USH2A: variants seen among roughly 807,000 people sequenced by gnomAD.
USH2A encodes Usher syndrome 2A (autosomal recessive, mild).
Under a neutral mutation model 538.9 loss-of-function variants are expected in USH2A, and 443 were observed. The ratio of observed to expected loss-of-function variants is 0.82; its 90% CI spans 0.76 to 0.89. USH2A has a LOEUF of 0.89. USH2A is among the 40% of genes least tolerant of loss of function. The pLI, the probability that USH2A is intolerant of heterozygous loss-of-function variation, is 0.00. For missense variants in USH2A, 6,633 were observed against 6,324.8 expected (o/e 1.05, Z -1.65); for synonymous variants, 2,413 against 2,273.5 (o/e 1.06, Z -1.75).
At chr1:216,018,722 C>T (rs1668775515) in intron 32 of USH2A, among the ~76,000 whole-genome samples, 2 of 152,124 alleles carry the variant, frequency 1.3e-5, no homozygotes, top group South Asian at 2.1e-4. Context: ...CTCTTTTCTC[C>T]ATCTTCTAAT....
intron 16 of USH2A, among the ~76,000 whole-genome samples, chr1:216,201,400 C>T (rs1198489118): frequency 6.6e-6 from 1 of 151,690 alleles, no homozygotes; most frequent in African/African-American, 2.4e-5. Flanking sequence ...CTTCTGCCTC[C>T]CGGGTTCAAG....
intron 25 of USH2A, 95 bp downstream of exon 25, chr1:216,084,603 T>C: frequency 7.3e-7 from 1 of 1,364,722 alleles, no homozygotes; most frequent in Non-Finnish European, 1.0e-6. Flanking sequence ...ACTAGGTTCA[T>C]ATGAGGTCAA....
intron 69 of USH2A, among the ~76,000 whole-genome samples, chr1:215,635,401 G>A (rs1436757892): frequency 6.6e-6 from 1 of 152,130 alleles, no homozygotes; most frequent in Non-Finnish European, 1.5e-5. Context: ...CACACATTGA[G>A]AGTTCAGTTG....
intron 41 of USH2A, 135 bp from the exon 42 acceptor site, chr1:215,879,233 G>A: frequency 1.3e-6 from 1 of 746,828 alleles, no homozygotes; most frequent in Non-Finnish European, 2.4e-6. Flanking sequence ...GAGGCCTTTG[G>A]ACTAGACAGT....
At chr1:216,179,924 T>C (rs1254265713) in intron 20 of USH2A, among the ~76,000 whole-genome samples, 2 of 152,080 alleles carry the variant, frequency 1.3e-5, no homozygotes, top group East Asian at 3.9e-4. Flanking sequence ...CTTTTAAAAA[T>C]TATATTTCAC....
chr1:215,673,212 G>C (rs6662102), intron 63 of USH2A, among the ~76,000 whole-genome samples: 1 of 151,942 alleles, frequency 6.6e-6, no homozygotes, highest in Non-Finnish European at 1.5e-5. Context: ...ATAAAACCAC[G>C]AATGTTTCAT....
intron 41 of USH2A, among the ~76,000 whole-genome samples, chr1:215,881,294 C>T (rs1216853363): frequency 6.6e-6 from 1 of 152,146 alleles, no homozygotes; most frequent in Non-Finnish European, 1.5e-5. Flanking sequence ...GCGTGTGCTA[C>T]CACACCCGGC....
chr1:215,726,230 T>A (rs375481071), intron 61 of USH2A, among the ~76,000 whole-genome samples: 10 of 152,202 alleles, frequency 6.6e-5, no homozygotes, highest in African/African-American at 2.2e-4. Context: ...AACTTCCTCC[T>A]GGATCACATA....
At chr1:215,825,982 A>C (rs1308741045) in intron 47 of USH2A, among the ~76,000 whole-genome samples, 2 of 152,076 alleles carry the variant, frequency 1.3e-5, no homozygotes, top group Non-Finnish European at 2.9e-5. Flanking sequence ...TTGACAGGGA[A>C]CTCTTAAATT....
At chr1:216,153,688 CAG>C (rs960183150) in intron 21 of USH2A, among the ~76,000 whole-genome samples, 4 of 152,062 alleles carry the variant, frequency 2.6e-5, no homozygotes, top group African/African-American at 7.2e-5. Context: ...GCCCACAAAA[CAG>C]AGATAATGCT....
chr1:215,953,406 G>A (rs1279336413), intron 37 of USH2A, among the ~76,000 whole-genome samples: 1 of 152,086 alleles, frequency 6.6e-6, no homozygotes, highest in Non-Finnish European at 1.5e-5. Context: ...CAGAAATAAT[G>A]CTGCATATCT....
rs1346542375 is a variant in USH2A, at chr1:215,675,614, T to A, written c.12297A>T (p.Thr4099=). 1 of 1,614,182 alleles carries A rather than the reference T, an allele frequency of 6.2e-7. No homozygotes were observed. The highest frequency in any genetic ancestry group is 1.3e-5 in the African/African-American group (1 of 75,060). ...GGAACCCGTCACTGAAGATGTTGTA[T>A]GTCTACAGAAGGACAGAAGCAAAAG... The part of the protein sequence containing the change: ...EPMRTNGVIK[T]YNIFSDGFLE... Residue 4099 remains threonine, a splice_region_variant and synonymous_variant, in exon 63 of 72, where the codon ACA becomes ACT. Coordinates refer to ENST00000307340, the MANE Select transcript of USH2A (RefSeq NM_206933.4).
chr1:215,848,106 A>G (rs1427553976), intron 44 of USH2A, among the ~76,000 whole-genome samples: 2 of 152,068 alleles, frequency 1.3e-5, no homozygotes, highest in African/African-American at 2.4e-5. Flanking sequence ...ATCCCTTAAC[A>G]TTTTCCTGAA....
intron 62 of USH2A, among the ~76,000 whole-genome samples, chr1:215,677,946 C>T (rs1235284830): frequency 6.6e-6 from 1 of 152,198 alleles, no homozygotes; most frequent in Non-Finnish European, 1.5e-5. Flanking sequence ...TCCAGTCTCC[C>T]CTTCCTCATC....
At chr1:215,840,811 C>T (rs551523286) in intron 46 of USH2A, among the ~76,000 whole-genome samples, 42 of 152,282 alleles carry the variant, frequency 2.8e-4, no homozygotes, top group South Asian at 8.3e-4. Context: ...GAAGACAATA[C>T]GGCAAATCCT....
At chr1:215,926,037 CA>C (rs1377021876) in intron 38 of USH2A, among the ~76,000 whole-genome samples, 1 of 152,036 alleles carries the variant, frequency 6.6e-6, no homozygotes, top group Non-Finnish European at 1.5e-5. Context: ...AGAACAAAAA[CA>C]AACAAAAGGT....
rs1655864951 is a variant in USH2A at position 215,623,234 on chromosome 1, T to C, written c.*2547A>G. The C allele has an allele frequency of 6.6e-6, 1 of 152,048 alleles. No individual in the cohort carries two copies. The highest frequency in any genetic ancestry group is 2.4e-5 in the African/African-American group (1 of 41,420). 9.4% of individuals were successfully genotyped at this position (152,048 alleles called of 1,614,324 possible). On this transcript the variant is annotated 3_prime_UTR_variant, in exon 72 of 72. Transcript: ENST00000307340. ...TAGTTCGTAAGCTGAGAATGTGGCATGTACAATTGGTAAAATGTGAGTCAG... is the reference window on the plus strand; with the variant it reads ...TAGTTCGTAAGCTGAGAATGTGGCACGTACAATTGGTAAAATGTGAGTCAG...
chr1:215,781,396 G>A (rs1171532050), intron 54 of USH2A, among the ~76,000 whole-genome samples: 1 of 151,948 alleles, frequency 6.6e-6, no homozygotes, highest in Non-Finnish European at 1.5e-5. Context: ...AAATTTGCTT[G>A]CAGAATAGCA....
intron 23 of USH2A, among the ~76,000 whole-genome samples, chr1:216,088,277 T>C (rs2032196792): frequency 1.3e-5 from 2 of 152,034 alleles, no homozygotes; most frequent in African/African-American, 4.8e-5. Flanking sequence ...CAACTTTCCC[T>C]CTCATCTGGC....
Sources: allele counts gnomAD v4.1 joint callset (sites outside exome capture counted in the v4.1 genomes callset), GRCh38; gene constraint gnomAD v4.1.1; transcripts MANE v1.5; gene names NCBI Gene and HGNC (gene_info 2026-07-23, HGNC 2026-07-21).